The following DIS3L2 variants were observed in gnomAD, a reference collection of about 807,000 sequenced individuals.
The protein encoded by DIS3L2 is DIS3-like exonuclease 2.
In DIS3L2, 34 loss-of-function variants were observed where a neutral mutation model predicts 97.5. That is an observed-to-expected ratio of 0.35 (90% CI 0.27 to 0.46). DIS3L2 has a LOEUF of 0.46. DIS3L2 is among the 20% of genes least tolerant of loss of function. The pLI is 1.00. For synonymous variants in DIS3L2, 435 were observed against 445.2 expected (o/e 0.98, Z 0.29); for missense variants, 1,038 against 1,146.0 (o/e 0.91, Z 1.36).
chr2:232,264,882 T>C (rs2106282954), intron 13 of DIS3L2, among the ~76,000 whole-genome samples: 1 of 152,342 alleles, frequency 6.6e-6, no homozygotes, highest in East Asian at 1.9e-4. Context: ...GGGTAGCCTC[T>C]GGAGTTCTCC....
intron 10 of DIS3L2, among the ~76,000 whole-genome samples, chr2:232,218,318 C>T (rs915299517): frequency 6.6e-6 from 1 of 152,200 alleles, no homozygotes; most frequent in African/African-American, 2.4e-5. Context: ...ACCAGGAATC[C>T]ATCAGACAAA....
intron 1 of DIS3L2, among the ~76,000 whole-genome samples, chr2:231,994,998 T>G (rs1693691786): frequency 6.6e-6 from 1 of 151,922 alleles, no homozygotes; most frequent in Admixed American, 6.6e-5. Context: ...AGAGACGAGA[T>G]CTCACTATTT....
chr2:232,015,038 TG>T, intron 2 of DIS3L2, 59 bp downstream of exon 2: 1 of 1,584,010 alleles, frequency 6.3e-7, no homozygotes, highest in East Asian at 2.2e-5. Flanking sequence ...GAAAGTGGAA[TG>T]GGTGTGAAGT....
chr2:232,245,162 C>T (rs1221900885), intron 11 of DIS3L2, among the ~76,000 whole-genome samples: 3 of 152,190 alleles, frequency 2.0e-5, no homozygotes, highest in Non-Finnish European at 4.4e-5. Context: ...AGGAGTTTCC[C>T]AGCTCCTGGA....
At chr2:232,323,427 C>G (rs1176384556) in intron 14 of DIS3L2, among the ~76,000 whole-genome samples, 1 of 152,224 alleles carries the variant, frequency 6.6e-6, no homozygotes, top group African/African-American at 2.4e-5. Flanking sequence ...ATGTGGCCAT[C>G]TAGCCTCTGG....
At chr2:232,084,188 T>A (rs1380656084) in intron 5 of DIS3L2, among the ~76,000 whole-genome samples, 1 of 152,224 alleles carries the variant, frequency 6.6e-6, no homozygotes, top group Non-Finnish European at 1.5e-5. Context: ...TTTGGGTCAG[T>A]TATGAAAACA....
At chr2:232,070,748 C>A (rs1470498371) in intron 5 of DIS3L2, among the ~76,000 whole-genome samples, 1 of 152,060 alleles carries the variant, frequency 6.6e-6, no homozygotes, top group Non-Finnish European at 1.5e-5. Flanking sequence ...CCACACCCAG[C>A]TAACGTTTGT....
intron 9 of DIS3L2, among the ~76,000 whole-genome samples, chr2:232,201,540 C>T (rs904803074): frequency 1.3e-5 from 2 of 152,168 alleles, no homozygotes; most frequent in Non-Finnish European, 2.9e-5. Flanking sequence ...ACATAACTAC[C>T]AAATACATTG....
intron 5 of DIS3L2, among the ~76,000 whole-genome samples, chr2:232,082,856 A>C (rs67308225): frequency 0.13 from 19,378 of 152,154 alleles, 2,381 homozygotes; most frequent in African/African-American, 0.32. Flanking sequence ...TAAAGACATA[A>C]CCAGGACTAG....
intron 1 of DIS3L2, among the ~76,000 whole-genome samples, chr2:231,964,329 T>C (rs1230392901): frequency 6.6e-6 from 1 of 152,190 alleles, no homozygotes; most frequent in Non-Finnish European, 1.5e-5. Flanking sequence ...ATTCTGTAGC[T>C]TAGATTTTTG....
chr2:232,235,602 A>G (rs1336093709), intron 10 of DIS3L2, among the ~76,000 whole-genome samples: 2 of 152,126 alleles, frequency 1.3e-5, no homozygotes, highest in Admixed American at 1.3e-4. Flanking sequence ...GTCAATTTTG[A>G]CTAAGGACAG....
At chr2:232,137,795 T>C (rs1051008061) in intron 8 of DIS3L2, among the ~76,000 whole-genome samples, 2 of 152,218 alleles carry the variant, frequency 1.3e-5, no homozygotes, top group African/African-American at 4.8e-5. Flanking sequence ...TAGGAACAGT[T>C]GTACTTTCTT....
intron 5 of DIS3L2, among the ~76,000 whole-genome samples, chr2:232,051,831 A>T (rs1208747394): frequency 1.3e-5 from 2 of 149,618 alleles, no homozygotes; most frequent in Admixed American, 6.6e-5. Context: ...AAAAAAAAAA[A>T]AAAAAAAAGA....
At chr2:232,206,688 C>A (rs1692036415) in intron 9 of DIS3L2, among the ~76,000 whole-genome samples, 4 of 152,194 alleles carry the variant, frequency 2.6e-5, no homozygotes, top group Admixed American at 2.6e-4. Context: ...TTCCAGCAAG[C>A]AAGCCTTCCT....
chr2:232,224,674 A>G (rs909576601), intron 10 of DIS3L2, among the ~76,000 whole-genome samples: 1 of 151,992 alleles, frequency 6.6e-6, no homozygotes, highest in African/African-American at 2.4e-5. Context: ...ACCTCTTTCT[A>G]CTAAAAATAC....
At chr2:232,283,995 G>A (rs1351371338) in intron 13 of DIS3L2, among the ~76,000 whole-genome samples, 1 of 152,124 alleles carries the variant, frequency 6.6e-6, no homozygotes, top group Non-Finnish European at 1.5e-5. Context: ...AGATGGGCAC[G>A]TGGAACCTTT....
intron 5 of DIS3L2, among the ~76,000 whole-genome samples, chr2:232,045,645 A>T (rs1348665732): frequency 6.8e-6 from 1 of 146,914 alleles, no homozygotes; most frequent in African/African-American, 2.5e-5. Flanking sequence ...AGCCCTCATG[A>T]TATCATCACC....
At chr2:232,312,517 G>T (rs11897508) in intron 14 of DIS3L2, among the ~76,000 whole-genome samples, 24,331 of 152,114 alleles carry the variant, frequency 0.16, 3,187 homozygotes, top group African/African-American at 0.36. Context: ...AATCTTGATA[G>T]CCAGTAGAGC....
At chr2:232,071,103 CTT>C (rs965421073) in intron 5 of DIS3L2, among the ~76,000 whole-genome samples, 1 of 151,958 alleles carries the variant, frequency 6.6e-6, no homozygotes. Context: ...ATCTATTTTT[CTT>C]TTTTTTCTTA....
Sources: allele counts gnomAD v4.1 joint callset (sites outside exome capture counted in the v4.1 genomes callset), GRCh38; gene constraint gnomAD v4.1.1; transcripts MANE v1.5; gene names NCBI Gene and HGNC (gene_info 2026-07-23, HGNC 2026-07-21).